CNTNAP2: variants seen among roughly 807,000 people sequenced by gnomAD.
CNTNAP2 encodes contactin-associated protein-like 2.
A neutral mutation model predicts 155.2 loss-of-function variants in CNTNAP2; 98 were observed. The ratio of observed to expected loss-of-function variants is 0.63; its 90% CI spans 0.54 to 0.75. The LOEUF (loss-of-function observed/expected upper bound fraction) is 0.75, where lower values mean the gene tolerates loss of function less well. Ranked by LOEUF, CNTNAP2 falls within the 30% of genes least tolerant of loss-of-function variation. The pLI is 0.00. For synonymous variants in CNTNAP2, 651 were observed against 631.2 expected (o/e 1.03, Z -0.47); for missense variants, 1,727 against 1,688.1 (o/e 1.02, Z -0.40).
chr7:146,132,266 T>G (rs1365758435), intron 1 of CNTNAP2, among the ~76,000 whole-genome samples: 1 of 151,992 alleles, frequency 6.6e-6, no homozygotes, highest in Non-Finnish European at 1.5e-5. Context: ...ATTGTCAGAG[T>G]TGGTATTGGG....
At chr7:146,517,015 A>G (rs1034971780) in intron 1 of CNTNAP2, among the ~76,000 whole-genome samples, 4 of 151,976 alleles carry the variant, frequency 2.6e-5, no homozygotes, top group Non-Finnish European at 5.9e-5. Context: ...GTTCAAATAT[A>G]TTAAATGGAA....
chr7:147,660,961 A>G (rs1795600361), intron 13 of CNTNAP2, among the ~76,000 whole-genome samples: 1 of 152,112 alleles, frequency 6.6e-6, no homozygotes, highest in Non-Finnish European at 1.5e-5. Flanking sequence ...ATGCCCCCCT[A>G]TTGCACACCC....
At chr7:147,095,515 T>G (rs1370795351) in intron 4 of CNTNAP2, among the ~76,000 whole-genome samples, 1 of 151,522 alleles carries the variant, frequency 6.6e-6, no homozygotes, top group African/African-American at 2.4e-5. Flanking sequence ...TTTGTAAAAT[T>G]TATATATGTA....
chr7:148,124,316 C>CA (rs1420349397), intron 16 of CNTNAP2, among the ~76,000 whole-genome samples: 3 of 152,012 alleles, frequency 2.0e-5, no homozygotes, highest in Middle Eastern at 3.4e-3. Context: ...AAATATTGTT[C>CA]AAAAAAAATT....
At chr7:146,800,202 A>T (rs1222847407) in intron 2 of CNTNAP2, among the ~76,000 whole-genome samples, 1 of 152,116 alleles carries the variant, frequency 6.6e-6, no homozygotes, top group Non-Finnish European at 1.5e-5. Context: ...GATTTATTAA[A>T]GGGACTTTTT....
intron 12 of CNTNAP2, among the ~76,000 whole-genome samples, chr7:147,588,140 AT>A (rs1028461095): frequency 2.0e-5 from 3 of 152,122 alleles, no homozygotes; most frequent in African/African-American, 4.8e-5. Flanking sequence ...TAAATTATGA[AT>A]TTTTTTTGTA....
chr7:146,383,138 G>T (rs1795414376), intron 1 of CNTNAP2, among the ~76,000 whole-genome samples: 1 of 152,154 alleles, frequency 6.6e-6, no homozygotes, highest in Non-Finnish European at 1.5e-5. Flanking sequence ...GATTGTGAGA[G>T]AAGTTGGTGT....
intron 21 of CNTNAP2, among the ~76,000 whole-genome samples, chr7:148,332,685 A>G (rs535686608): frequency 1.3e-5 from 2 of 152,350 alleles, no homozygotes; most frequent in African/African-American, 2.4e-5. Flanking sequence ...ACATGGAAAG[A>G]GGTTCTCCAG....
intron 1 of CNTNAP2, among the ~76,000 whole-genome samples, chr7:146,453,340 G>C (rs1796509639): frequency 6.6e-6 from 1 of 152,212 alleles, no homozygotes; most frequent in Non-Finnish European, 1.5e-5. Context: ...GCATGGGATA[G>C]AGTTTGCATC....
chr7:147,246,672 AG>A (rs1171717396), intron 8 of CNTNAP2, among the ~76,000 whole-genome samples: 1 of 152,182 alleles, frequency 6.6e-6, no homozygotes, highest in Non-Finnish European at 1.5e-5. Context: ...TGAATTTTAG[AG>A]GTACGCAAAC....
chr7:147,336,539 A>G (rs1795667713), intron 9 of CNTNAP2, among the ~76,000 whole-genome samples: 1 of 152,174 alleles, frequency 6.6e-6, no homozygotes, highest in African/African-American at 2.4e-5. Context: ...AATAGTCAAG[A>G]GAAATTATTT....
At chr7:147,777,525 C>T (rs964514218) in intron 13 of CNTNAP2, among the ~76,000 whole-genome samples, 1 of 152,146 alleles carries the variant, frequency 6.6e-6, no homozygotes, top group Non-Finnish European at 1.5e-5. Context: ...TGGGTCAGCC[C>T]TATAGGGCAG....
At chr7:147,681,244 TAAG>T (rs1206470786) in intron 13 of CNTNAP2, among the ~76,000 whole-genome samples, 2 of 152,014 alleles carry the variant, frequency 1.3e-5, no homozygotes. Context: ...GGTGAAGACT[TAAG>T]AAGCTTTTCT....
chr7:147,273,832 A>G lies in CNTNAP2; in HGVS notation c.1349-26309A>G, dbSNP rs1804823580. Among the ~76,000 whole-genome samples the G allele has an allele frequency of 9.5e-5, 14 of 147,444 alleles. No homozygotes were observed. In the South Asian group the frequency reaches 2.9e-3, roughly 31 times the overall value. On this transcript the variant is annotated intron_variant, in intron 8 of 23. Transcript: ENST00000361727. The stretch of plus-strand genomic sequence containing the variant: ...TATACATATATATTTTATGTATAAA[A>G]ATGTAATATTTAAACATATATAAAT...
chr7:147,726,365 C>A (rs1796643027), intron 13 of CNTNAP2, among the ~76,000 whole-genome samples: 1 of 151,936 alleles, frequency 6.6e-6, no homozygotes, highest in Admixed American at 6.6e-5. Flanking sequence ...GGACTGGCCA[C>A]TTGCTACTTA....
chr7:146,617,301 A>T (rs1799242710), intron 1 of CNTNAP2, among the ~76,000 whole-genome samples: 1 of 152,246 alleles, frequency 6.6e-6, no homozygotes, highest in Admixed American at 6.5e-5. Context: ...TGGTTCATGA[A>T]TAGACTACAA....
chr7:147,422,233 GTGTATA>G (rs1797306479), intron 10 of CNTNAP2, among the ~76,000 whole-genome samples: 1 of 147,674 alleles, frequency 6.8e-6, no homozygotes, highest in South Asian at 2.1e-4. Context: ...TATATATAGT[GTGTATA>G]TAGTATACTC....
intron 1 of CNTNAP2, among the ~76,000 whole-genome samples, chr7:146,434,012 C>T (rs1025865757): frequency 3.3e-4 from 50 of 152,168 alleles, no homozygotes; most frequent in African/African-American, 1.1e-3. Context: ...TCCAGAAAAG[C>T]GACCATGGCC....
At chr7:146,748,249 C>T (rs1442621217) in intron 1 of CNTNAP2, among the ~76,000 whole-genome samples, 1 of 150,808 alleles carries the variant, frequency 6.6e-6, no homozygotes, top group Non-Finnish European at 1.5e-5. Context: ...GGGTTCACGC[C>T]ATTCTCCCGC....
Sources: gnomAD v4.1 joint callset for allele counts (sites outside exome capture counted in the v4.1 genomes callset) on GRCh38, gnomAD v4.1.1 for gene constraint, MANE v1.5 for transcripts, NCBI Gene and HGNC (gene_info 2026-07-23, HGNC 2026-07-21) for gene names.